VPS13C: variants seen among roughly 807,000 people sequenced by gnomAD.
The protein encoded by VPS13C is vacuolar protein sorting 13 homolog C.
In VPS13C, 358 loss-of-function variants were observed where a neutral mutation model predicts 456.8. The observed-to-expected ratio is 0.78, with a 90% confidence interval of 0.72 to 0.86. The LOEUF (loss-of-function observed/expected upper bound fraction) is 0.86. Ranked by LOEUF, VPS13C falls within the 40% of genes least tolerant of loss-of-function variation. The pLI, the probability that VPS13C is intolerant of heterozygous loss-of-function variation, is 0.00. For synonymous variants in VPS13C, 1,578 were observed against 1,486.7 expected (o/e 1.06, Z -1.41); for missense variants, 4,818 against 4,385.4 (o/e 1.10, Z -2.79).
At chr15:61,997,898 T>G (rs80317983) in intron 16 of VPS13C, among the ~76,000 whole-genome samples, 2,219 of 152,330 alleles carry the variant, frequency 0.015, 66 homozygotes, top group African/African-American at 0.051. Context: ...TTAAAACTTA[T>G]GCCAGATCAT....
intron 6 of VPS13C, among the ~76,000 whole-genome samples, chr15:62,026,440 G>A (rs900331188): frequency 6.6e-6 from 1 of 151,998 alleles, no homozygotes; most frequent in African/African-American, 2.4e-5. Flanking sequence ...GTACTACTGG[G>A]AAGCTGTCGA....
intron 45 of VPS13C, among the ~76,000 whole-genome samples, chr15:61,944,988 C>CT (rs1370652516): frequency 2.6e-5 from 4 of 152,256 alleles, no homozygotes; most frequent in African/African-American, 9.6e-5. Flanking sequence ...AGGGAGGGAA[C>CT]TGGTAGGAGG....
Position 62,035,072 on chromosome 15 carries a change from A to G in VPS13C, c.188-20T>C. 1 of 1,549,766 alleles carries G rather than the reference A, an allele frequency of 6.5e-7. No homozygotes were observed. The highest frequency in any genetic ancestry group is 1.2e-5 in the South Asian group (1 of 86,686). ...ATTTATCTAAGGAAACATAATTTCA[A>G]CCTTAAATTATTATTTGACTGCTCA... On this transcript the variant is annotated intron_variant, in intron 3 of 84. Transcript: ENST00000644861.
chr15:61,873,890 G>A (rs1436196020), intron 77 of VPS13C, among the ~76,000 whole-genome samples: 1 of 151,850 alleles, frequency 6.6e-6, no homozygotes, highest in Non-Finnish European at 1.5e-5. Flanking sequence ...TGCAGCACTA[G>A]TGACAATAGC....
At position 61,991,145 on chromosome 15, in the gene VPS13C, T is replaced by G. The variant is rs769886763; in HGVS notation, c.1484-51A>C. The G allele has an allele frequency of 2.9e-6, 4 of 1,390,920 alleles. No individual in the cohort carries two copies. The Admixed American group carries it at 8.3e-5, about 29-fold the overall frequency. 86.2% of individuals were successfully genotyped at this position (1,390,920 alleles called of 1,614,324 possible). On this transcript the variant is annotated intron_variant, in intron 17 of 84. Coordinates refer to ENST00000644861, the MANE Select transcript of VPS13C (RefSeq NM_020821.3). ...ATTAATTGCTTCCATTTTACAAATA[T>G]AACTAAAAAGACTAACCAAACTAAC...
intron 16 of VPS13C, among the ~76,000 whole-genome samples, chr15:61,997,518 T>C (rs2046429326): frequency 6.6e-6 from 1 of 152,176 alleles, no homozygotes; most frequent in Admixed American, 6.6e-5. Flanking sequence ...GTCTAAGAGA[T>C]AGCTAAAACT....
intron 3 of VPS13C, among the ~76,000 whole-genome samples, chr15:62,037,602 T>C (rs1009007829): frequency 1.4e-5 from 2 of 141,016 alleles, no homozygotes; most frequent in Non-Finnish European, 3.2e-5. Flanking sequence ...GTTCCAATTT[T>C]AGATGTCTAT....
At chr15:61,929,003 A>G (rs2043963570) in intron 51 of VPS13C, among the ~76,000 whole-genome samples, 1 of 152,200 alleles carries the variant, frequency 6.6e-6, no homozygotes, top group South Asian at 2.1e-4. Flanking sequence ...TGCTGGAATA[A>G]AAGAAGTACA....
chr15:61,946,505 T>G, intron 43 of VPS13C, 95 bp from the exon 44 acceptor site: 1 of 807,134 alleles, frequency 1.2e-6, no homozygotes, highest in Middle Eastern at 2.6e-4. Flanking sequence ...AGATATAAAG[T>G]GAATAAAAAT....
At chr15:62,049,343 C>A (rs1232154583) in intron 1 of VPS13C, among the ~76,000 whole-genome samples, 1 of 152,192 alleles carries the variant, frequency 6.6e-6, no homozygotes. Flanking sequence ...TTTCCCAGCA[C>A]CATTTATTAC....
At chr15:61,967,168 GT>G (rs989707312) in intron 29 of VPS13C, among the ~76,000 whole-genome samples, 199 bp downstream of exon 29, 4 of 152,054 alleles carry the variant, frequency 2.6e-5, no homozygotes, top group African/African-American at 4.8e-5. Context: ...GGAACAAGAA[GT>G]TTAGTGACTT....
intron 32 of VPS13C, 62 bp downstream of exon 32, chr15:61,963,773 A>G (rs1364103751): frequency 2.5e-6 from 3 of 1,223,918 alleles, no homozygotes; most frequent in Admixed American, 3.5e-5. Context: ...AGCATTGCAA[A>G]GAGACAAAAA....
chr15:61,906,342 A>C (rs1468245267), intron 66 of VPS13C, among the ~76,000 whole-genome samples: 2 of 152,124 alleles, frequency 1.3e-5, no homozygotes, highest in East Asian at 3.8e-4. Flanking sequence ...TCTAACACCA[A>C]ATAGAAGAGA....
In VPS13C at chr15:62,056,728, G is replaced by A. The variant is rs557023536; in HGVS notation, c.100+3547C>T. 8.1e-3 allele frequency among the ~76,000 whole-genome samples: 1,233 copies of A among 152,270 alleles called. 13 individuals are homozygous for A. The highest frequency in any genetic ancestry group is 0.028 in the African/African-American group (1,171 of 41,546). ...GGTCACGCTCCTAGTCCGCCTTCAT[G>A]TTCCATCCTGTACACCTGGCTCTGC... On this transcript the variant is annotated intron_variant, in intron 1 of 84. Transcript: ENST00000644861.
chr15:61,893,090 T>C (rs773659674), intron 66 of VPS13C, among the ~76,000 whole-genome samples: 10 of 152,178 alleles, frequency 6.6e-5, no homozygotes, highest in Non-Finnish European at 1.3e-4. Flanking sequence ...AAGAAAATAC[T>C]TTCCCTATTG....
At chr15:61,927,821 T>C (rs943429641) in intron 51 of VPS13C, among the ~76,000 whole-genome samples, 24 of 152,084 alleles carry the variant, frequency 1.6e-4, no homozygotes, top group Middle Eastern at 3.2e-3. Flanking sequence ...TAGACTGGAT[T>C]AAGAAAATGG....
At chr15:61,865,767 T>C (rs1894530761) in intron 81 of VPS13C, 1 of 636,118 alleles carries the variant, frequency 1.6e-6, no homozygotes. Flanking sequence ...TATATGTACG[T>C]GTGTATATAT....
chr15:61,874,952 C>T lies in VPS13C; in HGVS notation c.10339-1G>A, dbSNP rs753029348. The T allele has an allele frequency of 6.5e-7, 1 of 1,540,902 alleles. No individual in the cohort carries two copies. Among genetic ancestry groups the T allele is most frequent in the Non-Finnish European group, 8.7e-7 (1 of 1,153,280 alleles). On this transcript the variant is annotated splice_acceptor_variant, in intron 76 of 84. Transcript: ENST00000644861. LOFTEE classifies it high-confidence loss of function. Reference sequence around the variant, plus strand: ...ATTCTTCAGGGCCTTGAACAGCACCCTGGCAAAAAAAAATAAAAAATAATC... The same window carrying T: ...ATTCTTCAGGGCCTTGAACAGCACCTTGGCAAAAAAAAATAAAAAATAATC...
chr15:61,856,545 G>T, intron 82 of VPS13C, 136 bp from the exon 83 acceptor site: 1 of 974,738 alleles, frequency 1.0e-6, no homozygotes, highest in Non-Finnish European at 1.5e-6. Flanking sequence ...AAAAAAACCT[G>T]CTTCATTTTT....
Sources: gnomAD v4.1 joint callset for allele counts (sites outside exome capture counted in the v4.1 genomes callset) on GRCh38, gnomAD v4.1.1 for gene constraint, MANE v1.5 for transcripts, NCBI Gene and HGNC (gene_info 2026-07-23, HGNC 2026-07-21) for gene names.